RARS2: variants seen among roughly 807,000 people sequenced by gnomAD.
RARS2 encodes the protein probable arginine--tRNA ligase, mitochondrial.
A neutral mutation model predicts 88.5 loss-of-function variants in RARS2; 67 were observed. The observed-to-expected ratio is 0.76, with a 90% CI of 0.62 to 0.93. RARS2 has a LOEUF of 0.93. RARS2 is among the 40% of genes least tolerant of loss of function. RARS2 has a pLI of 0.00. For synonymous variants in RARS2, 239 were observed against 230.3 expected (o/e 1.04, Z -0.34); for missense variants, 664 against 684.2 (o/e 0.97, Z 0.33).
chr6:87,544,407 G>A (rs1164310164), intron 7 of RARS2, among the ~76,000 whole-genome samples: 3 of 152,170 alleles, frequency 2.0e-5, no homozygotes, highest in East Asian at 1.9e-4. Flanking sequence ...TTAAGTCCAC[G>A]CCTTCAAGGA....
At position 87,522,380 on chromosome 6, in the gene RARS2, TTCTA is replaced by T. The variant is rs144174168; in HGVS notation, c.975-860_975-857del. 9.3e-3 allele frequency among the ~76,000 whole-genome samples: 1,396 copies of T among 150,608 alleles called. 19 individuals are homozygous for T. Among genetic ancestry groups the T allele is most frequent in the African/African-American group, 0.032 (1,316 of 40,916 alleles). On this transcript the variant is annotated intron_variant, in intron 11 of 19. Transcript: ENST00000369536. ...AGACCATAAAGTCCTTTGACAGAAT[TTCTA>T]TCTCTTTTATCTCTGATTAGATACA...
chr6:87,562,893 C>A (rs1407693816), intron 3 of RARS2, 108 bp from the exon 4 acceptor site: 1 of 809,002 alleles, frequency 1.2e-6, no homozygotes, highest in Admixed American at 1.8e-5. Context: ...AGTCATCTTT[C>A]ATGGTCCCTA....
chr6:87,577,650 A>G (rs1771982075), intron 1 of RARS2, among the ~76,000 whole-genome samples: 1 of 152,236 alleles, frequency 6.6e-6, no homozygotes, highest in Admixed American at 6.5e-5. Flanking sequence ...GGTTCAACAT[A>G]AAATGAACAG....
chr6:87,523,433 T>G (rs894570633), intron 11 of RARS2, among the ~76,000 whole-genome samples: 2 of 152,136 alleles, frequency 1.3e-5, no homozygotes, highest in South Asian at 2.1e-4. Flanking sequence ...AGAAACCCAT[T>G]AGAAGGCAGA....
At chr6:87,534,090 T>C (rs1289289605) in intron 8 of RARS2, among the ~76,000 whole-genome samples, 1 of 152,210 alleles carries the variant, frequency 6.6e-6, no homozygotes, top group Admixed American at 6.5e-5. Flanking sequence ...AACTTCATTA[T>C]GTTTAATGCT....
chr6:87,553,214 G>A (rs2128138494), intron 5 of RARS2, among the ~76,000 whole-genome samples: 1 of 152,156 alleles, frequency 6.6e-6, no homozygotes, highest in East Asian at 1.9e-4. Context: ...ACAATGTGGT[G>A]GGAGAGAGAG....
At chr6:87,554,401 T>TA (rs35428807) in intron 5 of RARS2, among the ~76,000 whole-genome samples, 61,924 of 151,884 alleles carry the variant, frequency 0.41, 12,701 homozygotes, top group Admixed American at 0.48. Flanking sequence ...TTCTGGTAAT[T>TA]AAAAAAATAC....
At chr6:87,582,410 A>T (rs920596516) in intron 1 of RARS2, among the ~76,000 whole-genome samples, 4 of 152,092 alleles carry the variant, frequency 2.6e-5, no homozygotes, top group African/African-American at 9.7e-5. Context: ...TCTTCTTCTG[A>T]GAAGTGTCTG....
At chr6:87,528,871 A>G (rs1776571413) in intron 10 of RARS2, among the ~76,000 whole-genome samples, 1 of 152,228 alleles carries the variant, frequency 6.6e-6, no homozygotes, top group Non-Finnish European at 1.5e-5. Flanking sequence ...GGTAGATTTT[A>G]AATGTTCTCA....
chr6:87,545,481 T>G (rs1782332086), intron 7 of RARS2, 135 bp downstream of exon 7: 1 of 1,065,774 alleles, frequency 9.4e-7, no homozygotes, highest in Non-Finnish European at 1.3e-6. Flanking sequence ...AAAGAGCCAT[T>G]AGGGAAAAAA....
At chr6:87,575,409 A>G (rs1771169547) in intron 1 of RARS2, among the ~76,000 whole-genome samples, 1 of 152,192 alleles carries the variant, frequency 6.6e-6, no homozygotes, top group Admixed American at 6.6e-5. Flanking sequence ...TTATGCCATC[A>G]AAGTCATTGC....
intron 6 of RARS2, among the ~76,000 whole-genome samples, chr6:87,546,883 T>C (rs1018913917): frequency 2.6e-5 from 4 of 152,204 alleles, no homozygotes; most frequent in African/African-American, 9.7e-5. Context: ...GGAACCTGTT[T>C]TTCCAGCTGG....
At chr6:87,551,331 T>C (rs1238082381) in intron 5 of RARS2, among the ~76,000 whole-genome samples, 1 of 152,058 alleles carries the variant, frequency 6.6e-6, no homozygotes, top group African/African-American at 2.4e-5. Flanking sequence ...AAGGGACAGA[T>C]AACATCACTC....
chr6:87,530,140 C>T (rs1776999591), intron 9 of RARS2, among the ~76,000 whole-genome samples: 1 of 152,090 alleles, frequency 6.6e-6, no homozygotes, highest in Non-Finnish European at 1.5e-5. Flanking sequence ...CAGAAGATTC[C>T]CATTACCACA....
At chr6:87,569,686 A>G (rs935879865) in intron 1 of RARS2, 96 bp from the exon 2 acceptor site, 2 of 924,088 alleles carry the variant, frequency 2.2e-6, no homozygotes, top group Non-Finnish European at 3.5e-6. Flanking sequence ...TAATACACTT[A>G]ACACGAATGA....
intron 1 of RARS2, among the ~76,000 whole-genome samples, chr6:87,571,434 A>T (rs777733723): frequency 9.2e-5 from 14 of 152,368 alleles, no homozygotes; most frequent in South Asian, 4.1e-4. Flanking sequence ...AGACTAATAC[A>T]CATATGTATA....
chr6:87,586,930 A>G (rs1775359818), intron 1 of RARS2, among the ~76,000 whole-genome samples: 1 of 150,258 alleles, frequency 6.7e-6, no homozygotes, highest in Admixed American at 6.6e-5. Flanking sequence ...ATTTTTTGAG[A>G]CAGGGTCTTG....
At chr6:87,575,810 T>C (rs1259792154) in intron 1 of RARS2, among the ~76,000 whole-genome samples, 1 of 151,802 alleles carries the variant, frequency 6.6e-6, no homozygotes, top group Non-Finnish European at 1.5e-5. Context: ...CATGCATCAT[T>C]GTGGATAAAT....
At chr6:87,577,382 C>T (rs983667602) in intron 1 of RARS2, among the ~76,000 whole-genome samples, 13 of 151,918 alleles carry the variant, frequency 8.6e-5, no homozygotes, top group African/African-American at 2.7e-4. Context: ...TTTGTGGAGA[C>T]GGCATATCTC....
Sources: gnomAD v4.1 joint callset for allele counts (sites outside exome capture counted in the v4.1 genomes callset) on GRCh38, gnomAD v4.1.1 for gene constraint, MANE v1.5 for transcripts, NCBI Gene and HGNC (gene_info 2026-07-23, HGNC 2026-07-21) for gene names.